Variants in ASCC3 observed in about 807,000 individuals in gnomAD.
ASCC3 encodes the protein ASC-1 complex subunit P200.
ASCC3 carries 158 observed loss-of-function variants against 256.3 expected under a neutral mutation model. The observed-to-expected ratio is 0.62, with a 90% CI of 0.54 to 0.70. The LOEUF is 0.70. ASCC3 is among the 30% of genes least tolerant of loss of function. ASCC3 has a pLI of 0.00. For synonymous variants in ASCC3, 948 were observed against 883.4 expected (o/e 1.07, Z -1.30); for missense variants, 2,259 against 2,626.0 (o/e 0.86, Z 3.05).
intron 24 of ASCC3, among the ~76,000 whole-genome samples, chr6:100,639,906 G>T (rs971923655): frequency 2.0e-5 from 3 of 152,154 alleles, no homozygotes; most frequent in African/African-American, 7.2e-5. Context: ...CCTGAGGTCA[G>T]GAGTTCGAGA....
chr6:100,598,004 C>G (rs78772394), intron 34 of ASCC3, among the ~76,000 whole-genome samples: 2,272 of 146,440 alleles, frequency 0.016, 24 homozygotes, highest in East Asian at 0.046. Context: ...AGTGGATAAA[C>G]TGTTACTTGT....
At chr6:100,774,467 G>C (rs558473203) in intron 8 of ASCC3, among the ~76,000 whole-genome samples, 6 of 152,016 alleles carry the variant, frequency 3.9e-5, no homozygotes, top group Admixed American at 1.3e-4. Context: ...CCAGGTTCAA[G>C]CAATTCTCCT....
chr6:100,760,198 G>C (rs1190913033), intron 10 of ASCC3, among the ~76,000 whole-genome samples: 1 of 152,134 alleles, frequency 6.6e-6, no homozygotes, highest in Non-Finnish European at 1.5e-5. Flanking sequence ...TTTAACAGGA[G>C]TGGTGAGAGA....
At chr6:100,551,972 G>A (rs1472314521) in intron 36 of ASCC3, among the ~76,000 whole-genome samples, 2 of 151,730 alleles carry the variant, frequency 1.3e-5, no homozygotes, top group East Asian at 3.9e-4. Context: ...GATACAATAG[G>A]TGATCTTCAG....
rs201390110 is a variant in ASCC3, at chr6:100,533,107, TG to T, written c.5775+7055del. On this transcript the variant is annotated intron_variant, in intron 37 of 41. Transcript: ENST00000369162. Reference sequence around the variant, plus strand: ...TCCCATTAGCTGTTTTTTTTTGTTTTGTTTTTTTGTTTTTGTTTTTCAATAT... The same window carrying T: ...TCCCATTAGCTGTTTTTTTTTGTTTTTTTTTTTGTTTTTGTTTTTCAATAT... Among the ~76,000 whole-genome samples the T allele has an allele frequency of 3.0e-3, 459 of 151,980 alleles. 1 individual carries two copies. Among genetic ancestry groups the T allele is most frequent in the Non-Finnish European group, 2.5e-3 (168 of 67,994 alleles).
chr6:100,747,959 A>G (rs1023615200), intron 10 of ASCC3, among the ~76,000 whole-genome samples: 1 of 152,036 alleles, frequency 6.6e-6, no homozygotes, highest in African/African-American at 2.4e-5. Context: ...TTTCTTTTCT[A>G]ATAAGAAAAG....
intron 8 of ASCC3, among the ~76,000 whole-genome samples, chr6:100,771,782 T>C (rs1162166835): frequency 9.6e-6 from 1 of 103,650 alleles, no homozygotes; most frequent in Admixed American, 9.1e-5. Context: ...ATTGCAAGTA[T>C]TGTTGATGTA....
chr6:100,870,201 A>T (rs577323465), intron 1 of ASCC3, among the ~76,000 whole-genome samples: 1 of 137,794 alleles, frequency 7.3e-6, no homozygotes, highest in African/African-American at 2.7e-5. Context: ...TAAAAAATGC[A>T]TATTTTTAAA....
intron 37 of ASCC3, among the ~76,000 whole-genome samples, chr6:100,519,467 A>G (rs1443670920): frequency 6.6e-6 from 1 of 152,156 alleles, no homozygotes; most frequent in East Asian, 1.9e-4. Context: ...TTCTCTGTAC[A>G]GCAGGATAAT....
chr6:100,787,188 G>T (rs1342964436), intron 8 of ASCC3, among the ~76,000 whole-genome samples: 3 of 151,966 alleles, frequency 2.0e-5, no homozygotes, highest in African/African-American at 7.2e-5. Flanking sequence ...TGTTATATAT[G>T]ACTCCATCTT....
At chr6:100,770,591 C>A (rs1338115213) in intron 8 of ASCC3, among the ~76,000 whole-genome samples, 1 of 151,824 alleles carries the variant, frequency 6.6e-6, no homozygotes, top group Admixed American at 6.6e-5. Flanking sequence ...TGTAAAAAAT[C>A]GGATGGAATC....
chr6:100,723,535 A>T (rs1052305797), intron 11 of ASCC3, among the ~76,000 whole-genome samples: 1 of 151,658 alleles, frequency 6.6e-6, no homozygotes, highest in Non-Finnish European at 1.5e-5. Context: ...ACACTTTCGA[A>T]CTTTTAAAAA....
At chr6:100,537,823 G>T (rs1775239129) in intron 37 of ASCC3, among the ~76,000 whole-genome samples, 1 of 151,096 alleles carries the variant, frequency 6.6e-6, no homozygotes, top group Non-Finnish European at 1.5e-5. Flanking sequence ...TTTAAATGCT[G>T]TTTAGAAGGA....
intron 4 of ASCC3, among the ~76,000 whole-genome samples, chr6:100,837,110 T>C (rs189597616): frequency 7.9e-4 from 120 of 151,872 alleles, no homozygotes; most frequent in Admixed American, 4.1e-3. Flanking sequence ...GGCCAACAGG[T>C]ATAGGAAAAA....
chr6:100,529,273 C>T (rs1034068201), intron 37 of ASCC3, among the ~76,000 whole-genome samples: 6 of 152,112 alleles, frequency 3.9e-5, no homozygotes, highest in African/African-American at 1.2e-4. Context: ...TATGGATCAA[C>T]AATCTGATCT....
intron 16 of ASCC3, among the ~76,000 whole-genome samples, chr6:100,657,096 T>C (rs1775949832): frequency 6.6e-6 from 1 of 151,272 alleles, no homozygotes. Context: ...TAGTTGAAGA[T>C]GAGATTTAGT....
In ASCC3 at chr6:100,864,150, T is replaced by G; in HGVS notation, c.155A>C (p.Lys52Thr). Residue 52 changes from lysine to threonine, a missense_variant, in exon 3 of 42, where the codon AAA becomes ACA. Lys to Thr is a moderately conservative substitution (Grantham distance 78). Around this residue, in one of 2 missense-constraint regions of ASCC3, gnomAD observed 420 missense variants for 419.3 expected, o/e 1.00. Coordinates refer to ENST00000369162, the MANE Select transcript of ASCC3 (RefSeq NM_006828.4). Reference sequence around the variant, plus strand: ...CTTCTCCAGTTTTTCATTCAAAAATTTTATTATCTTCTTCCATGTCAGGCC... The same window carrying G: ...CTTCTCCAGTTTTTCATTCAAAAATGTTATTATCTTCTTCCATGTCAGGCC... ...DLGLTWKKII[K>T]FLNEKLEKSK... 6.2e-7 allele frequency: 1 copy of G among 1,608,828 alleles called. No homozygotes were observed. Among genetic ancestry groups the G allele is most frequent in the Non-Finnish European group, 8.5e-7 (1 of 1,176,846 alleles).
chr6:100,736,376 C>A (rs1242641216), intron 10 of ASCC3, among the ~76,000 whole-genome samples: 2 of 152,092 alleles, frequency 1.3e-5, no homozygotes, highest in African/African-American at 4.8e-5. Context: ...GTGGCACATG[C>A]CTGTAATCCC....
intron 24 of ASCC3, among the ~76,000 whole-genome samples, chr6:100,641,140 G>A (rs963832121): frequency 2.0e-5 from 3 of 152,108 alleles, no homozygotes; most frequent in Non-Finnish European, 4.4e-5. Context: ...AAGTATCATT[G>A]TAAACATTTA....
Sources: allele counts gnomAD v4.1 joint callset (sites outside exome capture counted in the v4.1 genomes callset), GRCh38; gene constraint gnomAD v4.1.1; regional missense constraint gnomAD v4.1.1; transcripts MANE v1.5; gene names NCBI Gene and HGNC (gene_info 2026-07-23, HGNC 2026-07-21).